RBFOX1: variants seen among roughly 807,000 people sequenced by gnomAD.
The protein encoded by RBFOX1 is RNA binding fox-1 homolog 1, also known as RNA binding protein fox-1 homolog 1.
A neutral mutation model predicts 57.7 loss-of-function variants in RBFOX1; 8 were observed. That is an observed-to-expected ratio of 0.14 (90% CI 0.08 to 0.25). The LOEUF (loss-of-function observed/expected upper bound fraction) is 0.25. RBFOX1 is among the 10% of genes least tolerant of loss of function. The probability of loss-of-function intolerance (pLI) is 1.00; values close to 1 mark genes in which losing one functional copy is unlikely to be tolerated. For synonymous variants in RBFOX1, 326 were observed against 222.4 expected (o/e 1.47, Z -4.15); for missense variants, 611 against 548.5 (o/e 1.11, Z -1.14).
At chr16:6,504,351 C>G (rs572275171) in intron 2 of RBFOX1, among the ~76,000 whole-genome samples, 7 of 152,340 alleles carry the variant, frequency 4.6e-5, no homozygotes, top group African/African-American at 1.7e-4. Flanking sequence ...CACCATCAGA[C>G]AGTTTATTTC....
intron 2 of RBFOX1, among the ~76,000 whole-genome samples, chr16:5,472,969 G>A (rs1477770572): frequency 6.6e-6 from 1 of 152,142 alleles, no homozygotes; most frequent in African/African-American, 2.4e-5. Flanking sequence ...ACTATGTCCA[G>A]ACAGTCTGAC....
At chr16:7,693,231 C>G in intron 14 of RBFOX1, 4 of 1,136,236 alleles carry the variant, frequency 3.5e-6, no homozygotes, top group South Asian at 2.6e-5. Flanking sequence ...CTTCCCTCCC[C>G]TCATCTGTAC....
At chr16:5,950,695 C>A (rs1485844005) in intron 4 of RBFOX1, among the ~76,000 whole-genome samples, 1 of 152,206 alleles carries the variant, frequency 6.6e-6, no homozygotes, top group Admixed American at 6.5e-5. Flanking sequence ...TGTCTCTTCC[C>A]AGTCCAGCAA....
chr16:6,385,519 C>G (rs528030901), intron 2 of RBFOX1, among the ~76,000 whole-genome samples: 32 of 152,300 alleles, frequency 2.1e-4, no homozygotes, highest in African/African-American at 5.8e-4. Flanking sequence ...ACCACCACAC[C>G]CGGATAATTT....
In RBFOX1 at chr16:5,797,002, C is replaced by T. The variant is rs149979991; in HGVS notation, c.319-70301C>T. 8.4e-4 allele frequency among the ~76,000 whole-genome samples: 128 copies of T among 152,230 alleles called. 1 individual carries two copies. The highest frequency in any genetic ancestry group is 3.0e-3 in the African/African-American group (124 of 41,538). The stretch of plus-strand genomic sequence containing the variant: ...TGTGCAGGAGAACTACAGAAAATTA[C>T]ATAAAATAACTGCAAAAGATGACAG... On this transcript the variant is annotated intron_variant, in intron 3 of 19. Transcript: ENST00000641259.
intron 2 of RBFOX1, among the ~76,000 whole-genome samples, chr16:6,455,053 T>C (rs1297281499): frequency 4.4e-5 from 6 of 135,296 alleles, no homozygotes; most frequent in Non-Finnish European, 8.2e-5. Flanking sequence ...TGGCTAATTT[T>C]TTTTTTTTTT....
At chr16:6,129,702 T>A (rs1263382875) in intron 1 of RBFOX1, among the ~76,000 whole-genome samples, 63 of 121,106 alleles carry the variant, frequency 5.2e-4, no homozygotes, top group East Asian at 3.7e-3. Flanking sequence ...CAGGTAGAAT[T>A]AAAAAAAAAA....
chr16:7,235,952 A>T (rs948469934), intron 4 of RBFOX1, among the ~76,000 whole-genome samples: 2 of 152,164 alleles, frequency 1.3e-5, no homozygotes, highest in Admixed American at 1.3e-4. Flanking sequence ...TTCAATATTC[A>T]TTAGAAAGGG....
At chr16:6,574,390 C>G (rs2097392890) in intron 2 of RBFOX1, among the ~76,000 whole-genome samples, 1 of 149,826 alleles carries the variant, frequency 6.7e-6, no homozygotes, top group Non-Finnish European at 1.5e-5. Flanking sequence ...GGGGGCGGAA[C>G]TCGGTGTAGC....
rs2084637447 is a variant in RBFOX1 at position 7,189,007 on chromosome 16, GCAAGT to G, written c.27+136914_27+136918del. On this transcript the variant is annotated intron_variant, in intron 4 of 15. Coordinates refer to ENST00000550418, the MANE Select transcript of RBFOX1 (RefSeq NM_018723.4). ...TTGGTTCAAGAACATCAGGCTAGAG[GCAAGT>G]CAAGACCTTAAGGCATTTGGAGGTG... Among the ~76,000 whole-genome samples, 5 of 152,152 alleles carry G rather than the reference GCAAGT, an allele frequency of 3.3e-5. No homozygotes were observed. In the South Asian group the frequency reaches 1.0e-3, roughly 31 times the overall value.
intron 2 of RBFOX1, among the ~76,000 whole-genome samples, chr16:6,360,024 T>G (rs1405489015): frequency 6.6e-6 from 1 of 152,212 alleles, no homozygotes; most frequent in Non-Finnish European, 1.5e-5. Flanking sequence ...GGAACAATTT[T>G]GCTTATTTTC....
chr16:6,078,463 A>G (rs1472780796), intron 1 of RBFOX1, among the ~76,000 whole-genome samples: 3 of 151,836 alleles, frequency 2.0e-5, no homozygotes, highest in Non-Finnish European at 4.4e-5. Flanking sequence ...TTTATGTATG[A>G]CCTGAGACAC....
intron 2 of RBFOX1, among the ~76,000 whole-genome samples, chr16:6,650,826 C>T (rs1401618888): frequency 6.6e-6 from 1 of 152,214 alleles, no homozygotes; most frequent in Non-Finnish European, 1.5e-5. Flanking sequence ...AACCCCACTG[C>T]CTCTTGGTGA....
chr16:5,804,940 A>C (rs1452459659), intron 3 of RBFOX1, among the ~76,000 whole-genome samples: 8 of 152,186 alleles, frequency 5.3e-5, no homozygotes, highest in Non-Finnish European at 1.0e-4. Flanking sequence ...TTTCTCTGAC[A>C]GGTTTTTAAT....
chr16:7,326,431 C>T (rs551305734), intron 4 of RBFOX1, among the ~76,000 whole-genome samples: 2 of 151,972 alleles, frequency 1.3e-5, no homozygotes, highest in African/African-American at 4.8e-5. Flanking sequence ...AATGGAAGCT[C>T]GAACAGCAAC....
intron 1 of RBFOX1, among the ~76,000 whole-genome samples, chr16:6,312,091 C>T (rs774876867): frequency 1.3e-5 from 2 of 152,198 alleles, no homozygotes; most frequent in South Asian, 2.1e-4. Context: ...AAAATCCCAA[C>T]TTAGGTGAGG....
chr16:7,526,065 C>T (rs533098608), intron 5 of RBFOX1, among the ~76,000 whole-genome samples: 1 of 152,288 alleles, frequency 6.6e-6, no homozygotes, highest in South Asian at 2.1e-4. Flanking sequence ...TGCCTCCTGT[C>T]AGATCAACAA....
chr16:6,614,209 G>T (rs960862245), intron 2 of RBFOX1, among the ~76,000 whole-genome samples: 3 of 152,098 alleles, frequency 2.0e-5, no homozygotes, highest in African/African-American at 7.2e-5. Context: ...ATGAAATTCT[G>T]ATGCATTTCA....
intron 1 of RBFOX1, among the ~76,000 whole-genome samples, chr16:6,308,936 C>G (rs575444817): frequency 1.3e-5 from 2 of 152,028 alleles, no homozygotes; most frequent in South Asian, 4.2e-4. Context: ...GTGCCTTGTC[C>G]GAGCCTGGCC....
Sources: allele counts gnomAD v4.1 joint callset (sites outside exome capture counted in the v4.1 genomes callset), GRCh38; gene constraint gnomAD v4.1.1; transcripts MANE v1.5; gene names NCBI Gene and HGNC (gene_info 2026-07-23, HGNC 2026-07-21).